Variants in RCOR3 observed in about 807,000 individuals in gnomAD.
The protein encoded by RCOR3 is REST corepressor 3.
A neutral mutation model predicts 64.1 loss-of-function variants in RCOR3; 13 were observed. That is an observed-to-expected ratio of 0.20 (90% CI 0.13 to 0.32). The LOEUF (loss-of-function observed/expected upper bound fraction) is 0.32. Ranked by LOEUF, RCOR3 falls within the 10% of genes least tolerant of loss-of-function variation. The probability of loss-of-function intolerance (pLI) is 1.00; values close to 1 mark genes in which losing one functional copy is unlikely to be tolerated. For synonymous variants in RCOR3, 215 were observed against 239.0 expected (o/e 0.90, Z 0.93); for missense variants, 489 against 701.2 (o/e 0.70, Z 3.42).
At chr1:211,300,508 C>T (rs1700268844) in intron 9 of RCOR3, among the ~76,000 whole-genome samples, 1 of 152,108 alleles carries the variant, frequency 6.6e-6, no homozygotes, top group Non-Finnish European at 1.5e-5. Flanking sequence ...TCTTTTTCTT[C>T]CTTTAACTTT....
At chr1:211,279,198 A>T (rs1398235868) in intron 6 of RCOR3, 40 bp from the exon 7 acceptor site, 7 of 1,422,872 alleles carry the variant, frequency 4.9e-6, no homozygotes, top group Non-Finnish European at 6.8e-6. Context: ...AAAAAAAAAA[A>T]AAAAGGGAAT....
chr1:211,272,612 CTTT>C (rs768152573), intron 3 of RCOR3, among the ~76,000 whole-genome samples: 2 of 43,514 alleles, frequency 4.6e-5, no homozygotes, highest in South Asian at 1.6e-3. Context: ...GGATGTCTTA[CTTT>C]TTTTTTTTTT....
chr1:211,278,053 T>C, intron 5 of RCOR3, 64 bp from the exon 6 acceptor site: 1 of 693,390 alleles, frequency 1.4e-6, no homozygotes, highest in East Asian at 3.0e-5. Context: ...AGTAAAGATA[T>C]CATCAAAATT....
At chr1:211,305,314 T>C (rs898700603) in intron 10 of RCOR3, among the ~76,000 whole-genome samples, 1 of 152,230 alleles carries the variant, frequency 6.6e-6, no homozygotes, top group Non-Finnish European at 1.5e-5. Context: ...TCTGTAATTA[T>C]AGAACTGAGT....
chr1:211,304,700 A>G (rs1023464614), intron 10 of RCOR3, among the ~76,000 whole-genome samples: 7 of 152,356 alleles, frequency 4.6e-5, no homozygotes, highest in Admixed American at 4.6e-4. Flanking sequence ...AATCACATTC[A>G]GCATTTTCAA....
At chr1:211,260,225 A>G in intron 2 of RCOR3, 61 bp downstream of exon 2, 1 of 1,511,598 alleles carries the variant, frequency 6.6e-7, no homozygotes, top group South Asian at 1.1e-5. Flanking sequence ...TTTGGGGTGG[A>G]CGGGCTAGGA....
At chr1:211,269,931 C>G (rs1178010088) in intron 2 of RCOR3, among the ~76,000 whole-genome samples, 1 of 152,000 alleles carries the variant, frequency 6.6e-6, no homozygotes, top group African/African-American at 2.4e-5. Flanking sequence ...AGTTCAAGAC[C>G]AGCCTAGGCA....
At chr1:211,290,303 T>C (rs1699096173) in intron 8 of RCOR3, among the ~76,000 whole-genome samples, 1 of 152,258 alleles carries the variant, frequency 6.6e-6, no homozygotes, top group Admixed American at 6.5e-5. Flanking sequence ...CCCCAAAAGA[T>C]TTTTTTCTCT....
Position 211,276,269 on chromosome 1 carries a change from T to G in RCOR3, c.367T>G (p.Leu123Val). 6.2e-7 allele frequency: 1 copy of G among 1,612,538 alleles called. No individual in the cohort carries two copies. The highest frequency in any genetic ancestry group is 8.5e-7 in the Non-Finnish European group (1 of 1,179,162). Residue 123 changes from leucine to valine, a missense_variant, in exon 5 of 12, where the codon TTG becomes GTG. Physicochemically the swap from Leu to Val is conservative, Grantham distance 32 (BLOSUM62 1). This residue lies in a region of RCOR3 where 402 missense variants were observed against 617.0 expected (regional missense o/e 0.65). Transcript: ENST00000419091. ...GYNVEQALGM[L>V]FWHKHNIEKS... The stretch of plus-strand genomic sequence containing the variant: ...TTTCTCTTCAAAGGCACTTGGCATG[T>G]TGTTCTGGCATAAACATAACATTGA...
At position 211,312,187 on chromosome 1, in the gene RCOR3, C is replaced by T; in HGVS notation, c.1076-533C>T. 4.8e-5 allele frequency: 10 copies of T among 210,090 alleles called. No homozygotes were observed. The highest frequency in any genetic ancestry group is 4.4e-4 in the East Asian group (4 of 9,104). 13.0% of individuals were successfully genotyped at this position (210,090 alleles called of 1,614,324 possible). A position where few individuals can be genotyped will look rare whatever the true frequency, so the allele number is the denominator to read the frequency against. Reference sequence around the variant, plus strand: ...TTATCTAATTTCAATTTGTTGGTACCCTGGTGCTATAGGCAAGTATTCATG... The same window carrying T: ...TTATCTAATTTCAATTTGTTGGTACTCTGGTGCTATAGGCAAGTATTCATG... On this transcript the variant is annotated intron_variant, in intron 10 of 11. Coordinates refer to ENST00000419091, the MANE Select transcript of RCOR3 (RefSeq NM_001136223.3). The surrounding 1 kb of genome is among the most constrained non-coding windows in gnomAD (Gnocchi z 5.0).
chr1:211,309,284 T>G (rs867089556), intron 10 of RCOR3, among the ~76,000 whole-genome samples: 1 of 152,154 alleles, frequency 6.6e-6, no homozygotes, highest in South Asian at 2.1e-4. Context: ...AAAAATATCT[T>G]TAGCAAGTTA....
chr1:211,270,160 T>C (rs1220143052), intron 2 of RCOR3, among the ~76,000 whole-genome samples: 2 of 150,398 alleles, frequency 1.3e-5, no homozygotes, highest in Non-Finnish European at 3.0e-5. Flanking sequence ...GCCTCCTGGG[T>C]TCAAGCAGTT....
intron 8 of RCOR3, among the ~76,000 whole-genome samples, chr1:211,293,118 T>TA (rs374581705): frequency 1.3e-5 from 2 of 151,166 alleles, no homozygotes; most frequent in Non-Finnish European, 3.0e-5. Flanking sequence ...AATAAATAAA[T>TA]AAGTCTTAAT....
chr1:211,297,223 C>T (rs1699937328), intron 9 of RCOR3, among the ~76,000 whole-genome samples: 1 of 152,100 alleles, frequency 6.6e-6, no homozygotes, highest in Admixed American at 6.5e-5. Flanking sequence ...CAGTCTCACT[C>T]ATTAACTTTA....
intron 3 of RCOR3, chr1:211,271,546 A>T: frequency 1.7e-6 from 1 of 595,098 alleles, no homozygotes; most frequent in Non-Finnish European, 3.1e-6. Context: ...AGAATGAAAA[A>T]ACCTAGGATC....
chr1:211,261,833 A>ATCAT (rs1435224424), intron 2 of RCOR3, among the ~76,000 whole-genome samples: 1 of 133,252 alleles, frequency 7.5e-6, no homozygotes, highest in Non-Finnish European at 1.5e-5. Context: ...AGGCAGGAGA[A>ATCAT]TCATTGCTTG....
intron 8 of RCOR3, 66 bp from the exon 9 acceptor site, chr1:211,295,610 A>T: frequency 7.8e-7 from 1 of 1,285,914 alleles, no homozygotes; most frequent in Non-Finnish European, 1.1e-6. Context: ...CTTTTCACTT[A>T]ATTGAGTACT....
At chr1:211,266,706 A>T (rs991120232) in intron 2 of RCOR3, among the ~76,000 whole-genome samples, 2 of 152,152 alleles carry the variant, frequency 1.3e-5, no homozygotes, top group South Asian at 2.1e-4. Flanking sequence ...AAATATTGTT[A>T]CTGTTAAAGA....
At position 211,300,960 on chromosome 1, in the gene RCOR3, G is replaced by A. The variant is rs1700322666; in HGVS notation, c.1018-3123G>A. Among the ~76,000 whole-genome samples the A allele has an allele frequency of 2.0e-5, 3 of 152,080 alleles. No homozygotes were observed. The South Asian group carries it at 6.2e-4, about 32-fold the overall frequency. ...ACACTACCCTAAATTCAAGCCAACA[G>A]CTTCATCTGTGGTTTAACCGAAAAA... On this transcript the variant is annotated intron_variant, in intron 9 of 11. Transcript: ENST00000419091.
Sources: gnomAD v4.1 joint callset for allele counts (sites outside exome capture counted in the v4.1 genomes callset) on GRCh38, gnomAD v4.1.1 for gene constraint, gnomAD v4.1.1 regional missense constraint, Gnocchi (gnomAD v3.1) non-coding constraint, MANE v1.5 for transcripts, NCBI Gene and HGNC (gene_info 2026-07-23, HGNC 2026-07-21) for gene names.